The following GSTM2 variants were observed in gnomAD, a reference collection of about 807,000 sequenced individuals.
The protein encoded by GSTM2 is glutathione S-transferase mu 2.
A neutral mutation model predicts 33.3 loss-of-function variants in GSTM2; 33 were observed. The ratio of observed to expected loss-of-function variants is 0.99; its 90% CI spans 0.75 to 1.33. The LOEUF is 1.33. GSTM2 is among the 40% of genes most tolerant of loss of function. The pLI is 0.00. For synonymous variants in GSTM2, 93 were observed against 95.6 expected, an observed-to-expected ratio of 0.97 and a Z score of 0.16; for missense variants, 213 against 265.8, an observed-to-expected ratio of 0.80 and a Z score of 1.38.
intron 7 of GSTM2, among the ~76,000 whole-genome samples, chr1:109,674,419 C>G (rs428434): frequency 0.42 from 63,053 of 151,424 alleles, 14,884 homozygotes; most frequent in East Asian, 0.68. Context: ...TCCCACATGA[C>G]AAATGGTGAT....
chr1:109,668,208 G>A, intron 1 of GSTM2, 57 bp downstream of exon 1: 1 of 1,540,782 alleles, frequency 6.5e-7, no homozygotes, highest in Non-Finnish European at 8.9e-7. Context: ...GGGAAGTGTG[G>A]AGCAGCTGCA....
chr1:109,678,542 G>A (rs1375876599), downstream of GSTM2, among the ~76,000 whole-genome samples: 1 of 86,682 alleles, frequency 1.2e-5, no homozygotes, highest in Non-Finnish European at 2.4e-5. Context: ...TCAGGAGATC[G>A]AGACCATCCT....
chr1:109,668,304 G>A, intron 1 of GSTM2, 121 bp from the exon 2 acceptor site: 3 of 1,362,222 alleles, frequency 2.2e-6, no homozygotes, highest in East Asian at 2.3e-5. Flanking sequence ...GTGGCTGGGC[G>A]TGCGGGGTGG....
At chr1:109,668,588 A>C in intron 2 of GSTM2, 88 bp downstream of exon 2, 1 of 1,429,198 alleles carries the variant, frequency 7.0e-7, no homozygotes, top group Admixed American at 1.7e-5. Flanking sequence ...CTGACTCTGC[A>C]GGCCTCCCTT....
At chr1:109,668,202 A>G in intron 1 of GSTM2, 51 bp downstream of exon 1, 1 of 1,537,840 alleles carries the variant, frequency 6.5e-7, no homozygotes, top group Non-Finnish European at 8.9e-7. Flanking sequence ...GGGGCGGGGA[A>G]GTGTGGAGCA....
At chr1:109,672,161 T>C (rs1647564375) in intron 7 of GSTM2, among the ~76,000 whole-genome samples, 1 of 151,172 alleles carries the variant, frequency 6.6e-6, no homozygotes, top group African/African-American at 2.4e-5. Context: ...ATGCCTATAA[T>C]CCCAGCTACT....
At chr1:109,668,728 C>T (rs1438994293) in intron 2 of GSTM2, 197 bp from the exon 3 acceptor site, 5 of 810,316 alleles carry the variant, frequency 6.2e-6, no homozygotes, top group Non-Finnish European at 1.0e-5. Flanking sequence ...TTGCCTAAAC[C>T]CTGGAAGCCT....
chr1:109,679,150 T>A (rs1345499400), downstream of GSTM2, among the ~76,000 whole-genome samples: 1 of 151,654 alleles, frequency 6.6e-6, no homozygotes, highest in African/African-American at 2.4e-5. Flanking sequence ...TTTCATCTTA[T>A]GATTTTTTTT....
rs1194206497 is a variant in GSTM2 at position 109,674,834 on chromosome 1, T to C, written c.655T>C (p.Ter219GlnextTer89). The C allele has an allele frequency of 6.2e-7, 1 of 1,614,028 alleles. No individual in the cohort carries two copies. The highest frequency in any genetic ancestry group is 8.5e-7 in the Non-Finnish European group (1 of 1,180,042). Residue 219 changes from the stop codon to glutamine (Q), a stop_lost, in exon 8 of 8, where the codon TAG becomes CAG. Transcript: ENST00000241337. ...AAAGATGGCTGTCTGGGGCAACAAG[T>C]AGGGCCTTGAAGGCCAGGAGGTGGG... ...FTKMAVWGNK[*>Q]
chr1:109,669,198 G>A lies in GSTM2; in HGVS notation c.178-92G>A, dbSNP rs996585547. 6 of 1,444,430 alleles carry A rather than the reference G, an allele frequency of 4.2e-6. No homozygotes were observed. The African/African-American group carries it at 8.4e-5, about 20-fold the overall frequency. The allele number at this position is 1,444,430 out of a possible 1,614,324, so 89.5% of individuals were successfully genotyped here. On this transcript the variant is annotated intron_variant, in intron 3 of 7. Coordinates refer to ENST00000241337, the MANE Select transcript of GSTM2 (RefSeq NM_000848.4). ...TCTATCTCAGGCCTGCCATGAGCAG[G>A]CCCTGGTCTCCTCTTTGCCCTTGCA...
At chr1:109,678,991 C>T (rs372372517), downstream of GSTM2, among the ~76,000 whole-genome samples, 9 of 152,038 alleles carry the variant, frequency 5.9e-5, no homozygotes, top group Admixed American at 1.3e-4. Flanking sequence ...ATCCCCAAAG[C>T]GCTTACTACA....
Position 109,669,453 on chromosome 1 carries a change from T to G in GSTM2, c.260-18T>G. 6.2e-7 allele frequency: 1 copy of G among 1,613,786 alleles called. No homozygotes were observed. The highest frequency in any genetic ancestry group is 8.5e-7 in the Non-Finnish European group (1 of 1,179,650). ...GCTGGGCTGTGAGGCTGAGAGTGAA[T>G]CTGCTTTACGAGGGTAGGCGGGGAA... is the stretch of plus-strand genomic sequence containing the variant. On this transcript the variant is annotated intron_variant, in intron 4 of 7. Coordinates refer to ENST00000241337, the MANE Select transcript of GSTM2 (RefSeq NM_000848.4).
chr1:109,668,581 A>C (rs1478877438), intron 2 of GSTM2, 81 bp downstream of exon 2: 4 of 1,467,928 alleles, frequency 2.7e-6, no homozygotes, highest in Non-Finnish European at 3.8e-6. Context: ...CCTGTGGCTG[A>C]CTCTGCAGGC....
chr1:109,668,566 G>C, intron 2 of GSTM2, 66 bp downstream of exon 2: 1 of 1,547,500 alleles, frequency 6.5e-7, no homozygotes, highest in Non-Finnish European at 8.9e-7. Flanking sequence ...AACCGATAGT[G>C]GCCACCTGTG....
At chr1:109,668,615 G>T (rs1647418139) in intron 2 of GSTM2, 115 bp downstream of exon 2, 1 of 1,218,882 alleles carries the variant, frequency 8.2e-7, no homozygotes, top group Admixed American at 1.7e-5. Context: ...ACTGCAGGCT[G>T]TCCCTTCCCT....
At chr1:109,671,185 A>G (rs1647531945) in intron 5 of GSTM2, 102 bp from the exon 6 acceptor site, 2 of 779,050 alleles carry the variant, frequency 2.6e-6, no homozygotes, top group Admixed American at 1.8e-5. Context: ...GGGGAAGATG[A>G]CTGCTTGCCC....
intron 7 of GSTM2, chr1:109,673,341 C>T (rs1647612165): frequency 1.4e-6 from 2 of 1,479,228 alleles, no homozygotes; most frequent in East Asian, 4.8e-5. Context: ...CAGTGAGAGG[C>T]CTGCAGGCAG....
chr1:109,680,219 T>C (rs1449075151), downstream of GSTM2, among the ~76,000 whole-genome samples: 5 of 150,766 alleles, frequency 3.3e-5, no homozygotes, highest in Non-Finnish European at 7.4e-5. Flanking sequence ...ACAAATTTCC[T>C]ACAGGCTTAT....
chr1:109,671,662 A>G, intron 7 of GSTM2, 79 bp downstream of exon 7: 1 of 905,614 alleles, frequency 1.1e-6, no homozygotes, highest in Non-Finnish European at 1.9e-6. Flanking sequence ...TCCTGGAGCT[A>G]CACAAAGAAT....
Sources: allele counts gnomAD v4.1 joint callset (sites outside exome capture counted in the v4.1 genomes callset), GRCh38; gene constraint gnomAD v4.1.1; transcripts MANE v1.5; gene names NCBI Gene and HGNC (gene_info 2026-07-23, HGNC 2026-07-21).